ZNF81: variants seen among roughly 807,000 people sequenced by gnomAD.
ZNF81 encodes zinc finger protein 81.
In ZNF81, 5 loss-of-function variants were observed where a neutral mutation model predicts 32.3. The ratio of observed to expected loss-of-function variants is 0.15; its 90% CI spans 0.08 to 0.33. ZNF81 has a LOEUF of 0.33. Ranked by LOEUF, ZNF81 falls within the 10% of genes least tolerant of loss-of-function variation. The pLI is 1.00. For missense variants in ZNF81, 379 were observed against 479.8 expected, an observed-to-expected ratio of 0.79 and a Z score of 1.96; for synonymous variants, 163 against 166.8, an observed-to-expected ratio of 0.98 and a Z score of 0.17.
At chrX:47,854,012 A>G (rs2058506048) in intron 2 of ZNF81, among the ~76,000 whole-genome samples, 1 of 112,832 alleles carries the variant, frequency 8.9e-6, no homozygotes, top group Non-Finnish European at 1.9e-5. Flanking sequence ...TTTAATCTGC[A>G]TTGAAAATCT....
chrX:47,865,952 A>C (rs183370059), intron 2 of ZNF81, among the ~76,000 whole-genome samples: 501 of 112,071 alleles, frequency 4.5e-3, no homozygotes, highest in Middle Eastern at 0.041. Flanking sequence ...GCAACCAAGA[A>C]GACTGATCTC....
intron 2 of ZNF81, among the ~76,000 whole-genome samples, chrX:47,859,247 G>A (rs2058530478): frequency 9.0e-6 from 1 of 111,444 alleles, no homozygotes. Context: ...GTAGTGACAA[G>A]ATTTGTATAT....
chrX:47,842,308 T>C (rs1556879871), intron 1 of ZNF81, among the ~76,000 whole-genome samples: 1 of 111,368 alleles, frequency 9.0e-6, no homozygotes, highest in Non-Finnish European at 1.9e-5. Flanking sequence ...TTCAAAAAGG[T>C]TTTCTGTTCA....
At chrX:47,849,796 A>G (rs1159240196) in intron 2 of ZNF81, among the ~76,000 whole-genome samples, 7 of 112,175 alleles carry the variant, frequency 6.2e-5, no homozygotes, top group African/African-American at 2.3e-4. Context: ...AAAGCAGAAT[A>G]CCCACTAGTC....
chrX:47,892,778 G>A (rs1172449288), intron 3 of ZNF81, among the ~76,000 whole-genome samples: 1 of 112,754 alleles, frequency 8.9e-6, no homozygotes, highest in Non-Finnish European at 1.9e-5. Flanking sequence ...GAATCGTGCC[G>A]TTCTTTTGGT....
At chrX:47,875,391 TTACAGATGGATTTCATTCCAAATGTTATG>T (rs1297665876) in intron 2 of ZNF81, among the ~76,000 whole-genome samples, 1 of 112,219 alleles carries the variant, frequency 8.9e-6, no homozygotes, top group Non-Finnish European at 1.9e-5. Flanking sequence ...TGGATTCTCA[TTACAGATGGATTTCATTCCAAATGTTATG>T]TACAGATATG....
At position 47,877,699 on chromosome X, in the gene ZNF81, A is replaced by G. The variant is rs782382836; in HGVS notation, c.55-10300A>G. 2.7e-5 allele frequency among the ~76,000 whole-genome samples: 3 copies of G among 111,912 alleles called. No individual in the cohort carries two copies. In the South Asian group the frequency reaches 1.1e-3, roughly 41 times the overall value. On this transcript the variant is annotated intron_variant, in intron 2 of 4. Coordinates refer to ENST00000338637, the MANE Select transcript of ZNF81 (RefSeq NM_007137.5). ...AGCACAGTAGCAACTTCTTATTTTTAAGATGTCCATTTTAAGCTGGCACAT... is the reference window on the plus strand; with the variant it reads ...AGCACAGTAGCAACTTCTTATTTTTGAGATGTCCATTTTAAGCTGGCACAT...
chrX:47,878,078 G>A (rs782487491), intron 2 of ZNF81, among the ~76,000 whole-genome samples: 4 of 111,671 alleles, frequency 3.6e-5, no homozygotes, highest in East Asian at 2.8e-4. Flanking sequence ...GGGCCGAGCC[G>A]TGAACATCCC....
intron 2 of ZNF81, among the ~76,000 whole-genome samples, chrX:47,863,153 C>T (rs1302544874): frequency 9.0e-6 from 1 of 111,190 alleles, no homozygotes. Flanking sequence ...AAACATGAAA[C>T]GGGGAGGGTG....
At chrX:47,876,702 T>A (rs976471552) in intron 2 of ZNF81, among the ~76,000 whole-genome samples, 1 of 112,277 alleles carries the variant, frequency 8.9e-6, no homozygotes, top group African/African-American at 3.2e-5. Flanking sequence ...ATTGTTATAG[T>A]CACTATGTTT....
At chrX:47,892,247 C>G (rs1344763640) in intron 3 of ZNF81, among the ~76,000 whole-genome samples, 2 of 111,430 alleles carry the variant, frequency 1.8e-5, no homozygotes, top group Non-Finnish European at 3.8e-5. Context: ...GATTAAGTAC[C>G]TCCCTTTAAC....
At chrX:47,905,104 C>T (rs781857965) in intron 4 of ZNF81, among the ~76,000 whole-genome samples, 11 of 109,714 alleles carry the variant, frequency 1.0e-4, no homozygotes, top group African/African-American at 3.3e-4. Context: ...AGCCGATATA[C>T]CTAATGCTAA....
chrX:47,904,605 A>C (rs1556888755), intron 4 of ZNF81, among the ~76,000 whole-genome samples: 1 of 111,609 alleles, frequency 9.0e-6, no homozygotes, highest in Non-Finnish European at 1.9e-5. Flanking sequence ...ACATTTTTAC[A>C]CTGTTGGTGG....
chrX:47,841,204 A>G, intron 1 of ZNF81: 2 of 750,077 alleles, frequency 2.7e-6, no homozygotes, highest in South Asian at 2.1e-5. Flanking sequence ...ACTGTCTGTC[A>G]GAGGGATGGT....
intron 3 of ZNF81, among the ~76,000 whole-genome samples, chrX:47,895,260 C>T (rs1556887025): frequency 9.0e-6 from 1 of 111,401 alleles, no homozygotes; most frequent in African/African-American, 3.3e-5. Flanking sequence ...GGGCCCTACT[C>T]TAATCTGACT....
intron 1 of ZNF81, among the ~76,000 whole-genome samples, chrX:47,838,322 C>A (rs1208962457): frequency 1.8e-5 from 2 of 111,917 alleles, no homozygotes; most frequent in Non-Finnish European, 3.8e-5. Context: ...TCCCTTATTA[C>A]ACTGGCAAGA....
rs1197810278 is a variant in ZNF81, at chrX:47,841,751, C to G, written c.-163-4354C>G. Reference sequence around the variant, plus strand: ...CTTTGTCAATCTTGCTGGAGGATTACAAGTTTTATTGTTCTTTTCAAAAGA... The same window carrying G: ...CTTTGTCAATCTTGCTGGAGGATTAGAAGTTTTATTGTTCTTTTCAAAAGA... On this transcript the variant is annotated intron_variant, in intron 1 of 4. Transcript: ENST00000338637. The G allele has an allele frequency of 4.0e-5, 18 of 449,201 alleles. No homozygotes were observed. In the East Asian group the frequency reaches 6.5e-4, roughly 16 times the overall value. 37.0% of individuals were successfully genotyped at this position (449,201 alleles called of 1,213,427 possible).
intron 2 of ZNF81, among the ~76,000 whole-genome samples, chrX:47,847,709 G>T (rs145131308): frequency 2.5e-3 from 283 of 111,616 alleles, no homozygotes; most frequent in Non-Finnish European, 4.6e-3. Flanking sequence ...TTTGTGGGGA[G>T]CACATCCTTG....
chrX:47,915,614 T>A lies in ZNF81; in HGVS notation c.968T>A (p.Val323Asp), dbSNP rs2058753946. 2.5e-6 allele frequency: 3 copies of A among 1,209,626 alleles called. No individual in the cohort carries two copies. The East Asian group carries it at 8.9e-5, about 36-fold the overall frequency. The change falls in exon 5 of 5, where the codon GTT becomes GAT. Residue 323 changes from valine to aspartate, a missense_variant. Val to Asp is a radical substitution (Grantham distance 152). Coordinates refer to ENST00000338637, the MANE Select transcript of ZNF81 (RefSeq NM_007137.5). ...QKPLLSIYLR[V>D]HRDEKLYICT... Reference sequence around the variant, plus strand: ...CCACTACTCAGTATATATCTGAGAGTTCATAGAGATGAAAAACTCTACATA... The same window carrying A: ...CCACTACTCAGTATATATCTGAGAGATCATAGAGATGAAAAACTCTACATA...
Sources: gnomAD v4.1 joint callset for allele counts (sites outside exome capture counted in the v4.1 genomes callset) on GRCh38, gnomAD v4.1.1 for gene constraint, MANE v1.5 for transcripts, NCBI Gene and HGNC (gene_info 2026-07-23, HGNC 2026-07-21) for gene names.